Variants in GRID2 observed in about 807,000 individuals in gnomAD.
GRID2 encodes the protein glutamate receptor ionotropic, delta-2.
A neutral mutation model predicts 114.8 loss-of-function variants in GRID2; 33 were observed. The observed-to-expected ratio is 0.29, with a 90% CI of 0.22 to 0.38. The LOEUF (loss-of-function observed/expected upper bound fraction) is 0.38. Ranked by LOEUF, GRID2 falls within the 10% of genes least tolerant of loss-of-function variation. GRID2 has a pLI of 1.00. For synonymous variants in GRID2, 505 were observed against 449.9 expected (o/e 1.12, Z -1.55); for missense variants, 1,184 against 1,257.7 (o/e 0.94, Z 0.89).
chr4:92,458,421 C>A (rs1180587605), intron 1 of GRID2, among the ~76,000 whole-genome samples: 1 of 152,126 alleles, frequency 6.6e-6, no homozygotes, highest in African/African-American at 2.4e-5. Context: ...AGGGATTAGT[C>A]TTTAATGGTA....
intron 14 of GRID2, among the ~76,000 whole-genome samples, chr4:93,712,035 A>G (rs1011977056): frequency 6.6e-6 from 1 of 152,132 alleles, no homozygotes; most frequent in African/African-American, 2.4e-5. Flanking sequence ...TTAATACATT[A>G]GGGATAAGAT....
intron 4 of GRID2, among the ~76,000 whole-genome samples, chr4:93,133,028 T>C (rs1734943305): frequency 6.6e-6 from 1 of 152,186 alleles, no homozygotes; most frequent in Non-Finnish European, 1.5e-5. Flanking sequence ...TGTTTTGAGG[T>C]TAAACCTGGA....
At chr4:92,403,937 G>A (rs1205613088) in intron 1 of GRID2, among the ~76,000 whole-genome samples, 2 of 151,956 alleles carry the variant, frequency 1.3e-5, no homozygotes, top group Non-Finnish European at 2.9e-5. Context: ...TCTTATGTGG[G>A]CATAGTTCAT....
intron 1 of GRID2, among the ~76,000 whole-genome samples, chr4:93,784,518 A>G (rs1734552880): frequency 6.6e-6 from 1 of 152,170 alleles, no homozygotes; most frequent in South Asian, 2.1e-4. Flanking sequence ...ATCATTGACA[A>G]GTAGGAGCCA....
intron 2 of GRID2, among the ~76,000 whole-genome samples, chr4:92,744,828 G>A (rs1737068746): frequency 6.6e-6 from 1 of 152,086 alleles, no homozygotes; most frequent in South Asian, 2.1e-4. Flanking sequence ...TATCTCTTAT[G>A]TAATTATGCT....
At chr4:92,578,116 T>TTC (rs1432026490) in intron 1 of GRID2, among the ~76,000 whole-genome samples, 10 of 122,928 alleles carry the variant, frequency 8.1e-5, no homozygotes, top group Non-Finnish European at 1.6e-4. Flanking sequence ...TCTTCTTCTT[T>TTC]TTCTTATTAT....
At chr4:93,440,865 C>G (rs1721559124) in intron 10 of GRID2, among the ~76,000 whole-genome samples, 1 of 152,128 alleles carries the variant, frequency 6.6e-6, no homozygotes, top group South Asian at 2.1e-4. Flanking sequence ...TCATTAAGTA[C>G]TTGGCCTAAT....
intron 14 of GRID2, among the ~76,000 whole-genome samples, chr4:93,680,276 G>A (rs1725380806): frequency 6.6e-6 from 1 of 152,048 alleles, no homozygotes; most frequent in Non-Finnish European, 1.5e-5. Context: ...TGAAATTGTG[G>A]CAATAATCAA....
At chr4:93,092,484 C>G (rs755918339) in intron 3 of GRID2, among the ~76,000 whole-genome samples, 1 of 152,060 alleles carries the variant, frequency 6.6e-6, no homozygotes, top group Non-Finnish European at 1.5e-5. Context: ...CAACTTTCAG[C>G]AGGAATCACA....
chr4:93,081,631 A>G (rs1729876071), intron 2 of GRID2, among the ~76,000 whole-genome samples: 1 of 152,184 alleles, frequency 6.6e-6, no homozygotes, highest in Non-Finnish European at 1.5e-5. Context: ...TATGATCTGT[A>G]TGTATAGATG....
chr4:93,599,252 A>G (rs534207382), intron 13 of GRID2, among the ~76,000 whole-genome samples: 1 of 152,334 alleles, frequency 6.6e-6, no homozygotes, highest in South Asian at 2.1e-4. Flanking sequence ...TAGAGAATGC[A>G]AAAGAAGCAG....
rs79468683 is a variant in GRID2, at chr4:92,887,536, T to G, written c.245-197459T>G. Reference sequence around the variant, plus strand: ...CTCTCAAGTGCTTTAAAATGTCTTCTCCCTAGTTAGAATCAATGGATCTTG... The same window carrying G: ...CTCTCAAGTGCTTTAAAATGTCTTCGCCCTAGTTAGAATCAATGGATCTTG... On this transcript the variant is annotated intron_variant, in intron 2 of 15. Transcript: ENST00000282020. Among the ~76,000 whole-genome samples, 127 of 54,830 alleles carry G rather than the reference T, an allele frequency of 2.3e-3. 1 individual carries two copies. In the East Asian group the frequency reaches 0.037, roughly 16 times the overall value. 36.0% of individuals were successfully genotyped at this position (54,830 alleles called of 152,430 possible). A position where few individuals can be genotyped will look rare whatever the true frequency, so the allele number is the denominator to read the frequency against.
At chr4:92,694,053 G>A (rs928293071) in intron 2 of GRID2, among the ~76,000 whole-genome samples, 1 of 152,088 alleles carries the variant, frequency 6.6e-6, no homozygotes, top group African/African-American at 2.4e-5. Flanking sequence ...TAGTGAAGGG[G>A]ATGAAAGAAT....
intron 14 of GRID2, among the ~76,000 whole-genome samples, chr4:93,727,303 T>C (rs1730010763): frequency 1.3e-5 from 2 of 152,238 alleles, no homozygotes; most frequent in South Asian, 4.1e-4. Context: ...GATTTGCGTA[T>C]GTTGAACCAG....
intron 4 of GRID2, among the ~76,000 whole-genome samples, chr4:93,176,531 T>A (rs1202216034): frequency 6.6e-6 from 1 of 152,168 alleles, no homozygotes; most frequent in Non-Finnish European, 1.5e-5. Flanking sequence ...TTGTCTACAG[T>A]AGAGGTTCCT....
At chr4:93,665,046 A>G (rs1723830440) in intron 14 of GRID2, among the ~76,000 whole-genome samples, 1 of 152,190 alleles carries the variant, frequency 6.6e-6, no homozygotes, top group South Asian at 2.1e-4. Context: ...GTTTAATGAA[A>G]TGAATTCTAA....
intron 12 of GRID2, among the ~76,000 whole-genome samples, chr4:93,497,196 A>G (rs1309232258): frequency 6.6e-6 from 1 of 151,634 alleles, no homozygotes; most frequent in African/African-American, 2.4e-5. Context: ...AGGTGTTTTC[A>G]TGCTTTTTGC....
chr4:92,935,278 G>GA (rs1182009641), intron 2 of GRID2, among the ~76,000 whole-genome samples: 1 of 147,246 alleles, frequency 6.8e-6, no homozygotes, highest in African/African-American at 2.4e-5. Flanking sequence ...AAAAACACAT[G>GA]AAAAAAGGCT....
At chr4:92,710,816 C>A (rs891787306) in intron 2 of GRID2, among the ~76,000 whole-genome samples, 3 of 151,970 alleles carry the variant, frequency 2.0e-5, no homozygotes, top group Non-Finnish European at 4.4e-5. Flanking sequence ...TACTCTCACA[C>A]CCAAACACAA....
Sources: gnomAD v4.1 joint callset for allele counts (sites outside exome capture counted in the v4.1 genomes callset) on GRCh38, gnomAD v4.1.1 for gene constraint, MANE v1.5 for transcripts, NCBI Gene and HGNC (gene_info 2026-07-23, HGNC 2026-07-21) for gene names.